CACNA1G: variants seen among roughly 807,000 people sequenced by gnomAD.
CACNA1G encodes calcium voltage-gated channel subunit alpha1 G.
CACNA1G carries 67 observed loss-of-function variants against 219.4 expected under a neutral mutation model. The ratio of observed to expected loss-of-function variants is 0.31; its 90% CI spans 0.25 to 0.37. The LOEUF (loss-of-function observed/expected upper bound fraction) is 0.37, where lower values mean the gene tolerates loss of function less well. Ranked by LOEUF, CACNA1G falls within the 10% of genes least tolerant of loss-of-function variation. CACNA1G has a pLI of 1.00. For synonymous variants in CACNA1G, 1,296 were observed against 1,345.3 expected, an observed-to-expected ratio of 0.96 and a Z score of 0.80; for missense variants, 2,380 against 3,231.4, an observed-to-expected ratio of 0.74 and a Z score of 6.39.
intron 13 of CACNA1G, among the ~76,000 whole-genome samples, chr17:50,592,801 A>C (rs552092213): frequency 6.6e-6 from 1 of 152,242 alleles, no homozygotes; most frequent in Non-Finnish European, 1.5e-5. Flanking sequence ...CAAACAGGGC[A>C]GTTTGACCCA....
chr17:50,595,728 G>A (rs1298005873), intron 14 of CACNA1G, among the ~76,000 whole-genome samples: 1 of 152,260 alleles, frequency 6.6e-6, no homozygotes, highest in Non-Finnish European at 1.5e-5. Context: ...TCGGGGCGAA[G>A]CCAGCATTCC....
At chr17:50,610,030 T>C in intron 26 of CACNA1G, 95 bp downstream of exon 26, 1 of 1,304,504 alleles carries the variant, frequency 7.7e-7, no homozygotes, top group Admixed American at 2.0e-5. Flanking sequence ...GGTGAAAGGG[T>C]GAGGGTCCCT....
intron 16 of CACNA1G, among the ~76,000 whole-genome samples, chr17:50,597,635 A>G (rs1321472724): frequency 6.6e-6 from 1 of 152,232 alleles, no homozygotes; most frequent in African/African-American, 2.4e-5. Context: ...TTTTTGTGGC[A>G]TGAACATTTA....
Position 50,618,322 on chromosome 17 carries a change from C to T in CACNA1G, c.5406C>T (p.Asp1802=), listed in dbSNP as rs547751058. 1.6e-5 allele frequency: 26 copies of T among 1,613,882 alleles called. No homozygotes were observed. The African/African-American group carries it at 2.5e-4, about 16-fold the overall frequency. ...CCCTCTTCCGAGTCTCCACAGGTGA[C>T]AATTGGAATGGCATTATGAAGGTAA... ...FLTLFRVSTG[D]NWNGIMKDTL... Residue 1802 remains aspartate, a synonymous_variant, in exon 32 of 38, where the codon GAC becomes GAT. Transcript: ENST00000359106. The surrounding 1 kb of genome is among the most constrained non-coding windows in gnomAD (Gnocchi z 5.3).
intron 3 of CACNA1G, 104 bp downstream of exon 3, chr17:50,569,402 A>G (rs1204647464): frequency 2.4e-6 from 3 of 1,234,366 alleles, no homozygotes; most frequent in Admixed American, 1.8e-5. Context: ...CAGTTACAGC[A>G]CCACTTTCTC....
chr17:50,600,598 C>T lies in CACNA1G; in HGVS notation c.3691-128C>T. On this transcript the variant is annotated intron_variant, in intron 17 of 37. Transcript: ENST00000359106. This position sits in a 1 kb window ranked among gnomAD's most constrained non-coding sequence, Gnocchi z 4.1. ...GGCTTTAGGAATAAAGGAAGAGAGG[C>T]AGGGCAGAGCTTGGGCCCCAGGTGG... The T allele has an allele frequency of 2.7e-6, 2 of 735,694 alleles. No individual in the cohort carries two copies. Among genetic ancestry groups the T allele is most frequent in the East Asian group, 2.6e-5 (1 of 38,122 alleles). 45.6% of individuals were successfully genotyped at this position (735,694 alleles called of 1,614,324 possible). A position where few individuals can be genotyped will look rare whatever the true frequency, so the allele number is the denominator to read the frequency against.
chr17:50,579,096 C>T (rs960712220), intron 9 of CACNA1G, among the ~76,000 whole-genome samples: 1 of 152,010 alleles, frequency 6.6e-6, no homozygotes, highest in African/African-American at 2.4e-5. Context: ...CCTGGCCTCC[C>T]GTCTGGGAGC....
Position 50,571,112 on chromosome 17 carries a change from C to T in CACNA1G, c.587-766C>T, listed in dbSNP as rs1488886943. On this transcript the variant is annotated intron_variant, in intron 4 of 37. Transcript: ENST00000359106. The surrounding 1 kb of genome is among the most constrained non-coding windows in gnomAD (Gnocchi z 4.3). ...AACAGGGCTTTTGAGGAGGGGGTTT[C>T]AGTGGCTTTCCCTATGGAGGGGGTT... Among the ~76,000 whole-genome samples the T allele has an allele frequency of 6.6e-6, 1 of 152,104 alleles. No individual in the cohort carries two copies. The highest frequency in any genetic ancestry group is 1.5e-5 in the Non-Finnish European group (1 of 68,014).
At position 50,591,796 on chromosome 17, in the gene CACNA1G, C is replaced by G; in HGVS notation, c.2697C>G (p.Thr899=). 6.2e-7 allele frequency: 1 copy of G among 1,613,924 alleles called. No individual in the cohort carries two copies. The highest frequency in any genetic ancestry group is 2.2e-5 in the East Asian group (1 of 44,866). The change falls in exon 12 of 38, where the codon ACC becomes ACG. Residue 899 remains threonine (T), a synonymous_variant. Transcript: ENST00000359106. ...CKFASERDGD[T]LPDRKNFDSL... ...TTGCCTCTGAGCGGGATGGGGACAC[C>G]CTGCCAGACCGGAAGAATTTTGACT...
chr17:50,621,310 G>A lies in CACNA1G; in HGVS notation c.5926-350G>A, dbSNP rs529164314. On this transcript the variant is annotated intron_variant, in intron 34 of 37. Transcript: ENST00000359106. This position sits in a 1 kb window ranked among gnomAD's most constrained non-coding sequence, Gnocchi z 4.6. ...ATCTTTTTGAGAGTCGCAAGCCCTC[G>A]GTCCTCCCGCTCCCTCCCTGGGTGG... Among the ~76,000 whole-genome samples, 5 of 150,826 alleles carry A rather than the reference G, an allele frequency of 3.3e-5. No individual in the cohort carries two copies. In the East Asian group the frequency reaches 9.8e-4, roughly 29 times the overall value.
At chr17:50,569,010 G>GTA in intron 2 of CACNA1G, 29 bp downstream of exon 2, 4 of 1,472,600 alleles carry the variant, frequency 2.7e-6, no homozygotes, top group Admixed American at 1.9e-5. Flanking sequence ...GTGTGTGTGT[G>GTA]TGTGTTGTGT....
At position 50,578,471 on chromosome 17, in the gene CACNA1G, C is replaced by T; in HGVS notation, c.2208C>T (p.Phe736=). ...LAFWRLICDT[F]RKIVDSKYFG... is the part of the protein sequence containing the mutation. The stretch of plus-strand genomic sequence containing the variant: ...TCTGGAGGCTAATCTGTGACACCTT[C>T]CGAAAGATTGTGGACAGCAAGTACT... The change falls in exon 9 of 38, where the codon TTC becomes TTT. Residue 736 remains phenylalanine, a synonymous_variant. Coordinates refer to ENST00000359106, the MANE Select transcript of CACNA1G (RefSeq NM_018896.5). This position sits in a 1 kb window ranked among gnomAD's most constrained non-coding sequence, Gnocchi z 4.5. 1 of 1,595,748 alleles carries T rather than the reference C, an allele frequency of 6.3e-7. No individual in the cohort carries two copies.
In CACNA1G at chr17:50,607,913, G is replaced by C; in HGVS notation, c.4599G>C (p.Val1533=). 1 of 1,614,036 alleles carries C rather than the reference G, an allele frequency of 6.2e-7. No homozygotes were observed. The highest frequency in any genetic ancestry group is 8.5e-7 in the Non-Finnish European group (1 of 1,179,884). ...CCTTCTTTGTCCTGAACATGTTTGT[G>C]GGTGTGGTGGTGGAGAACTTCCACA... ...IVAFFVLNMF[V]GVVVENFHKC... The change falls in exon 25 of 38, where the codon GTG becomes GTC. Residue 1533 remains valine, a synonymous_variant. Transcript: ENST00000359106.
chr17:50,603,193 C>T lies in CACNA1G; in HGVS notation c.4163C>T (p.Pro1388Leu), dbSNP rs1434017478. The change falls in exon 21 of 38, where the codon CCG becomes CTG. Residue 1388 changes from proline (P) to leucine (L), a missense_variant. Pro to Leu is a moderately conservative substitution (Grantham distance 98, BLOSUM62 -3). This residue lies in a region of CACNA1G where 153 missense variants were observed against 374.9 expected (regional missense o/e 0.41). Transcript: ENST00000359106. The surrounding 1 kb of genome is among the most constrained non-coding windows in gnomAD (Gnocchi z 6.4). ...RVLRLLRTLR[P>L]LRVISRAQGL... ...CTGCGGCTGCTGCGGACCCTGCGCC[C>T]GCTCAGGTGACTCCCTCCCCAGCAC... The T allele has an allele frequency of 2.5e-6, 4 of 1,602,508 alleles. No homozygotes were observed. Among genetic ancestry groups the T allele is most frequent in the Non-Finnish European group, 3.4e-6 (4 of 1,179,480 alleles).
At chr17:50,569,867 AC>A in intron 4 of CACNA1G, 64 bp downstream of exon 4, 1 of 1,236,130 alleles carries the variant, frequency 8.1e-7, no homozygotes, top group Non-Finnish European at 1.1e-6. Flanking sequence ...GAACTCTCAG[AC>A]CCCACCTCTA....
intron 13 of CACNA1G, 45 bp from the exon 14 acceptor site, chr17:50,594,948 C>A: frequency 3.4e-6 from 5 of 1,464,870 alleles, no homozygotes; most frequent in Non-Finnish European, 4.7e-6. Flanking sequence ...AGGCCCCGAG[C>A]GCCTGTGACC....
chr17:50,603,632 C>T lies in CACNA1G; in HGVS notation c.4169+433C>T, dbSNP rs2047270650. 6.6e-6 allele frequency among the ~76,000 whole-genome samples: 1 copy of T among 151,930 alleles called. No individual in the cohort carries two copies. Among genetic ancestry groups the T allele is most frequent in the African/African-American group, 2.4e-5 (1 of 41,324 alleles). The stretch of plus-strand genomic sequence containing the variant: ...TCTTCAGGCGCCTGCCAGTGACCAC[C>T]CCCCGGTGACATTTCTCCTGACCAG... On this transcript the variant is annotated intron_variant, in intron 21 of 37. Coordinates refer to ENST00000359106, the MANE Select transcript of CACNA1G (RefSeq NM_018896.5). This position sits in a 1 kb window ranked among gnomAD's most constrained non-coding sequence, Gnocchi z 6.4.
intron 16 of CACNA1G, among the ~76,000 whole-genome samples, chr17:50,597,327 T>G (rs1365364012): frequency 1.3e-5 from 2 of 152,188 alleles, no homozygotes; most frequent in Admixed American, 1.3e-4. Flanking sequence ...TAAATGCATT[T>G]AATCCTCACA....
chr17:50,575,168 T>C (rs932974122), intron 7 of CACNA1G, among the ~76,000 whole-genome samples: 2 of 152,200 alleles, frequency 1.3e-5, no homozygotes, highest in African/African-American at 4.8e-5. Flanking sequence ...CTAATGGAAA[T>C]TGCGGAAGGG....
Sources: gnomAD v4.1 joint callset for allele counts (sites outside exome capture counted in the v4.1 genomes callset) on GRCh38, gnomAD v4.1.1 for gene constraint, gnomAD v4.1.1 regional missense constraint, Gnocchi (gnomAD v3.1) non-coding constraint, MANE v1.5 for transcripts, NCBI Gene and HGNC (gene_info 2026-07-23, HGNC 2026-07-21) for gene names.